Variants in EPS15 observed in about 807,000 individuals in gnomAD.
EPS15 encodes epidermal growth factor receptor substrate 15.
A neutral mutation model predicts 113.8 loss-of-function variants in EPS15; 72 were observed. The observed-to-expected ratio is 0.63, with a 90% confidence interval of 0.52 to 0.77. The LOEUF (loss-of-function observed/expected upper bound fraction) is 0.77. Among genes scored for constraint, EPS15 ranks in the 30% least tolerant of loss-of-function variants. The pLI, the probability that EPS15 is intolerant of heterozygous loss-of-function variation, is 0.00. For missense variants in EPS15, 1,048 were observed against 1,045.8 expected, an observed-to-expected ratio of 1.00 and a Z score of -0.03; for synonymous variants, 344 against 363.4, an observed-to-expected ratio of 0.95 and a Z score of 0.61.
Position 51,514,041 on chromosome 1 carries a change from T to C in EPS15, c.33+5158A>G, listed in dbSNP as rs184819062. On this transcript the variant is annotated intron_variant, in intron 1 of 24. Coordinates refer to ENST00000371733, the MANE Select transcript of EPS15 (RefSeq NM_001981.3). ...GATAAAAACTACAACCATGCTACTA[T>C]AAAATTTTAGTGTTTTTTTTCTTCC... is the stretch of plus-strand genomic sequence containing the variant. Among the ~76,000 whole-genome samples the C allele has an allele frequency of 4.1e-4, 62 of 152,314 alleles. No individual in the cohort carries two copies. In the East Asian group the frequency reaches 0.01, roughly 25 times the overall value.
At chr1:51,450,749 T>C (rs531003178) in intron 8 of EPS15, among the ~76,000 whole-genome samples, 1 of 151,814 alleles carries the variant, frequency 6.6e-6, no homozygotes, top group East Asian at 1.9e-4. Flanking sequence ...TGAAATGCTG[T>C]ATGAAAAAGA....
intron 21 of EPS15, among the ~76,000 whole-genome samples, chr1:51,392,962 T>C (rs1048648522): frequency 6.6e-5 from 10 of 152,244 alleles, no homozygotes; most frequent in African/African-American, 1.9e-4. Flanking sequence ...AAAGAGCACA[T>C]GTACTTAAAA....
chr1:51,447,760 A>G (rs568485394), intron 9 of EPS15, among the ~76,000 whole-genome samples: 1 of 152,368 alleles, frequency 6.6e-6, no homozygotes, highest in Admixed American at 6.5e-5. Context: ...ATATGACCCA[A>G]GGCCTAATGT....
At chr1:51,488,472 T>TA (rs71063033) in intron 1 of EPS15, among the ~76,000 whole-genome samples, 20,433 of 85,030 alleles carry the variant, frequency 0.24, 2,170 homozygotes, top group Middle Eastern at 0.39. Flanking sequence ...TAAAGTTTTG[T>TA]AAAAAAAAAA....
intron 1 of EPS15, among the ~76,000 whole-genome samples, chr1:51,508,286 G>GAGAA (rs1287713829): frequency 1.4e-5 from 2 of 141,634 alleles, no homozygotes; most frequent in South Asian, 4.4e-4. Context: ...GAGAGAAAGA[G>GAGAA]AGAAAGAGAG....
chr1:51,512,892 T>C (rs1030514060), intron 1 of EPS15, among the ~76,000 whole-genome samples: 1 of 146,034 alleles, frequency 6.8e-6, no homozygotes, highest in Non-Finnish European at 1.5e-5. Context: ...CTCTGTCACC[T>C]AGGCTGGAGT....
chr1:51,426,962 A>G (rs572763790), intron 12 of EPS15, among the ~76,000 whole-genome samples: 44 of 151,728 alleles, frequency 2.9e-4, no homozygotes, highest in Admixed American at 5.3e-4. Flanking sequence ...CTTCCCGCCC[A>G]CTTATACCTT....
At chr1:51,476,482 C>A (rs760433392) in intron 2 of EPS15, among the ~76,000 whole-genome samples, 14 of 152,102 alleles carry the variant, frequency 9.2e-5, no homozygotes, top group Non-Finnish European at 1.5e-4. Flanking sequence ...AGTTTATTTG[C>A]ATAGAGGTGT....
intron 2 of EPS15, among the ~76,000 whole-genome samples, chr1:51,477,074 C>T (rs1341528451): frequency 1.2e-4 from 19 of 152,112 alleles, no homozygotes; most frequent in Non-Finnish European, 4.4e-5. Context: ...GTTGTGAATC[C>T]ATCTGGTCCT....
chr1:51,424,582 A>G (rs1274281775), intron 12 of EPS15, among the ~76,000 whole-genome samples: 1 of 152,212 alleles, frequency 6.6e-6, no homozygotes, highest in Non-Finnish European at 1.5e-5. Context: ...ATAGGTAGAT[A>G]AGACAGATAT....
In EPS15 at chr1:51,374,232, G is replaced by C. The variant is rs140502740; in HGVS notation, c.2120-8203C>G. Among the ~76,000 whole-genome samples the C allele has an allele frequency of 3.2e-3, 484 of 152,294 alleles. 3 individuals are homozygous for C. The highest frequency in any genetic ancestry group is 0.03 in the South Asian group (146 of 4,818). ...GGAAGTTCTGCATTTTCTGTCAGGA[G>C]TTAGTAAAATATTCCACACAAAAAA... On this transcript the variant is annotated intron_variant, in intron 21 of 24. Transcript: ENST00000371733.
intron 11 of EPS15, 81 bp from the exon 12 acceptor site, chr1:51,440,513 AC>A: frequency 1.8e-6 from 1 of 560,340 alleles, no homozygotes; most frequent in East Asian, 2.9e-5. Context: ...TTAAAGCTCT[AC>A]GCAGATATAA....
chr1:51,470,501 G>T (rs925399176), intron 4 of EPS15, among the ~76,000 whole-genome samples: 1 of 151,898 alleles, frequency 6.6e-6, no homozygotes, highest in Non-Finnish European at 1.5e-5. Flanking sequence ...AAAAAAACTA[G>T]CCAGGTGCGG....
At chr1:51,437,987 C>A (rs1652294957) in intron 12 of EPS15, among the ~76,000 whole-genome samples, 1 of 152,024 alleles carries the variant, frequency 6.6e-6, no homozygotes, top group African/African-American at 2.4e-5. Context: ...CGGTTATTCA[C>A]AAGAATAAAA....
chr1:51,443,212 A>C (rs1037188692), intron 11 of EPS15, among the ~76,000 whole-genome samples: 9 of 152,248 alleles, frequency 5.9e-5, no homozygotes, highest in Admixed American at 5.2e-4. Context: ...ACTAACATAG[A>C]CTTCAAACTT....
At chr1:51,472,037 A>T (rs113710543) in intron 3 of EPS15, among the ~76,000 whole-genome samples, 4,529 of 151,076 alleles carry the variant, frequency 0.03, 74 homozygotes, top group African/African-American at 0.05. Flanking sequence ...ATCAGCTATC[A>T]TTAGTGTTAA....
At chr1:51,357,394 ATATATATATATATATATAT>A (rs1646250864) in intron 24 of EPS15, among the ~76,000 whole-genome samples, 1 of 61,734 alleles carries the variant, frequency 1.6e-5, no homozygotes, top group African/African-American at 9.2e-5. Flanking sequence ...AAAAAAAAAT[ATATATATATATATATATAT>A]ATATATATAT....
intron 1 of EPS15, among the ~76,000 whole-genome samples, chr1:51,488,209 T>C (rs1024282775): frequency 6.6e-6 from 1 of 152,098 alleles, no homozygotes; most frequent in Non-Finnish European, 1.5e-5. Flanking sequence ...TGCATATGAA[T>C]TTTTAACAAT....
chr1:51,376,124 G>C (rs1352206536), intron 21 of EPS15, among the ~76,000 whole-genome samples: 2 of 152,234 alleles, frequency 1.3e-5, no homozygotes, highest in Non-Finnish European at 2.9e-5. Context: ...TCAATGTCTG[G>C]CTTTGAAGCA....
Sources: gnomAD v4.1 joint callset for allele counts (sites outside exome capture counted in the v4.1 genomes callset) on GRCh38, gnomAD v4.1.1 for gene constraint, MANE v1.5 for transcripts, NCBI Gene and HGNC (gene_info 2026-07-23, HGNC 2026-07-21) for gene names.